The following ZNF587 variants were observed in gnomAD, a reference collection of about 807,000 sequenced individuals.
ZNF587 encodes the protein zinc finger protein zfp6.
ZNF587 carries 8 observed loss-of-function variants against 7.5 expected under a neutral mutation model. The ratio of observed to expected loss-of-function variants is 1.06; its 90% CI spans 0.62 to 1.92. The LOEUF (loss-of-function observed/expected upper bound fraction) is 1.92, where lower values mean the gene tolerates loss of function less well. Among genes scored for constraint, ZNF587 ranks in the 40% most tolerant of loss-of-function variants. ZNF587 has a pLI of 0.00. For missense variants in ZNF587, 468 were observed against 692.8 expected, an observed-to-expected ratio of 0.68 and a Z score of 3.64; for synonymous variants, 145 against 237.8, an observed-to-expected ratio of 0.61 and a Z score of 3.59.
chr19:57,855,615 G>A (rs1321232695), intron 1 of ZNF587, among the ~76,000 whole-genome samples: 2 of 150,016 alleles, frequency 1.3e-5, no homozygotes, highest in African/African-American at 4.9e-5. Context: ...AGGGTGGAGT[G>A]CAGTGGTGTG....
In ZNF587 at chr19:57,860,081, T is replaced by A; in HGVS notation, c.1669T>A (p.Phe557Ile). 6.2e-7 allele frequency: 1 copy of A among 1,613,460 alleles called. No homozygotes were observed. Among genetic ancestry groups the A allele is most frequent in the African/African-American group, 1.3e-5 (1 of 75,030 alleles). The change falls in exon 3 of 3, where the codon TTT becomes ATT. Residue 557 changes from phenylalanine (F) to isoleucine (I), a missense_variant. By Grantham distance (21) the Phe-to-Ile change is conservative (BLOSUM62 0). Around this residue, in one of 5 missense-constraint regions of ZNF587, gnomAD observed 310 missense variants for 325.6 expected, o/e 0.95. Coordinates refer to ENST00000339656, the MANE Select transcript of ZNF587 (RefSeq NM_032828.4). ...PYECTKCGKT[F>I]QRSSTLLHHQ... ...TGAATGCACCAAATGTGGAAAAACA[T>A]TTCAGCGAAGCTCTACCCTCCTTCA...
chr19:57,854,425 G>C (rs2071324194), intron 1 of ZNF587, among the ~76,000 whole-genome samples: 1 of 152,046 alleles, frequency 6.6e-6, no homozygotes, highest in South Asian at 2.1e-4. Flanking sequence ...ATTTGTATTT[G>C]TCAAGCATAG....
intron 1 of ZNF587, 24 bp downstream of exon 1, chr19:57,850,095 C>T (rs1235318789): frequency 6.2e-7 from 1 of 1,614,140 alleles, no homozygotes; most frequent in African/African-American, 1.3e-5. Context: ...CTTCTGTGCC[C>T]TCAGGTCACC....
chr19:57,853,187 A>G (rs2122312526), intron 1 of ZNF587, among the ~76,000 whole-genome samples: 1 of 152,332 alleles, frequency 6.6e-6, no homozygotes, highest in East Asian at 1.9e-4. Context: ...TGATAGGAGC[A>G]TGAAAGAGGA....
At position 57,849,904 on chromosome 19, in the gene ZNF587, G is replaced by GC. The variant is rs1568504346; in HGVS notation, c.-131dup. The GC allele has an allele frequency of 1.3e-6, 2 of 1,554,346 alleles. No individual in the cohort carries two copies. Among genetic ancestry groups the GC allele is most frequent in the Non-Finnish European group, 1.7e-6 (2 of 1,150,274 alleles). Reference sequence around the variant, plus strand: ...GATGCGGGTGTTTCCCCAGTTTGTGGCCCCTGAGTGCTGGGTGGGACCGCG... The same window carrying GC: ...GATGCGGGTGTTTCCCCAGTTTGTGGCCCCCTGAGTGCTGGGTGGGACCGCG... On this transcript the variant is annotated 5_prime_UTR_variant, in exon 1 of 3. The change creates a premature stop within an existing upstream ORF in the 5' untranslated region. Transcript: ENST00000339656.
intron 1 of ZNF587, among the ~76,000 whole-genome samples, chr19:57,853,268 T>C (rs547491737): frequency 7.4e-4 from 113 of 152,340 alleles, no homozygotes; most frequent in African/African-American, 2.5e-3. Context: ...TGAGATGACG[T>C]TGGTATTGAC....
chr19:57,856,117 C>T lies in ZNF587; in HGVS notation c.47C>T (p.Thr16Ile), dbSNP rs2071352147. 1 of 1,612,920 alleles carries T rather than the reference C, an allele frequency of 6.2e-7. No homozygotes were observed. The highest frequency in any genetic ancestry group is 8.5e-7 in the Non-Finnish European group (1 of 1,179,658). ...PRRPTQQGTVTFEDVAVNFSQ... is the reference protein window; with the variant it reads ...PRRPTQQGTVIFEDVAVNFSQ... ...TCACTATCATAGCAGGGCACTGTGACCTTTGAAGATGTGGCTGTGAACTTT... is the reference window on the plus strand; with the variant it reads ...TCACTATCATAGCAGGGCACTGTGATCTTTGAAGATGTGGCTGTGAACTTT... Residue 16 changes from threonine to isoleucine, a missense_variant, in exon 2 of 3, where the codon ACC (threonine) becomes ATC (isoleucine). Thr to Ile is a moderately conservative substitution (Grantham distance 89). Around this residue, in one of 5 missense-constraint regions of ZNF587, gnomAD observed 92 missense variants for 89.7 expected, o/e 1.03. Transcript: ENST00000339656.
chr19:57,850,122 C>A (rs997019338), intron 1 of ZNF587, 51 bp downstream of exon 1: 18 of 1,614,040 alleles, frequency 1.1e-5, no homozygotes, highest in Non-Finnish European at 1.5e-5. Context: ...TCACCCAGGT[C>A]CTAAACCAGC....
At chr19:57,851,734 G>C (rs1208017761) in intron 1 of ZNF587, 1 of 152,212 alleles carries the variant, frequency 6.6e-6, no homozygotes, top group Non-Finnish European at 1.5e-5. Flanking sequence ...GGAGAGTTTT[G>C]AAGAAAGGAG....
intron 1 of ZNF587, chr19:57,850,358 C>A (rs2071266352): frequency 5.0e-6 from 3 of 601,234 alleles, no homozygotes; most frequent in African/African-American, 3.7e-5. Flanking sequence ...ATCAGTCTCC[C>A]TGAGCATTCT....
At chr19:57,850,317 C>G in intron 1 of ZNF587, 1 of 648,568 alleles carries the variant, frequency 1.5e-6, no homozygotes, top group Non-Finnish European at 2.7e-6. Context: ...AGCCGTCCTG[C>G]TGTTCGGGAG....
At chr19:57,854,555 C>T (rs926714781) in intron 1 of ZNF587, among the ~76,000 whole-genome samples, 3 of 151,264 alleles carry the variant, frequency 2.0e-5, no homozygotes, top group African/African-American at 7.3e-5. Flanking sequence ...ATCTCATTCC[C>T]ACTCTGCTCT....
chr19:57,854,405 A>G (rs2071323731), intron 1 of ZNF587, among the ~76,000 whole-genome samples: 1 of 152,078 alleles, frequency 6.6e-6, no homozygotes, highest in Admixed American at 6.6e-5. Flanking sequence ...CTGTGTTAAT[A>G]TTGGATGCTA....
chr19:57,864,781 ATTT>A lies in ZNF587; in HGVS notation c.*4648_*4650del, dbSNP rs914514809. 1 of 151,494 alleles carries A rather than the reference ATTT, an allele frequency of 6.6e-6. No homozygotes were observed. The highest frequency in any genetic ancestry group is 2.4e-5 in the African/African-American group (1 of 41,258). 9.4% of individuals were successfully genotyped at this position (151,494 alleles called of 1,614,324 possible). On this transcript the variant is annotated 3_prime_UTR_variant, in exon 3 of 3. Coordinates refer to ENST00000339656, the MANE Select transcript of ZNF587 (RefSeq NM_032828.4). ...AGTATGTTTGTCTCTTGTGGTGTAA[ATTT>A]TTTTTTATTACACCAAATTATGTTC... is the stretch of plus-strand genomic sequence containing the variant.
intron 2 of ZNF587, chr19:57,858,122 CT>C (rs572536483): frequency 0.01 from 1,296 of 123,564 alleles, 3 homozygotes; most frequent in Non-Finnish European, 0.016. Flanking sequence ...GAAGCCCCAT[CT>C]TTTTTTTTTT....
Position 57,854,831 on chromosome 19 carries a change from A to G in ZNF587, c.34-1273A>G, listed in dbSNP as rs181424239. Among the ~76,000 whole-genome samples the G allele has an allele frequency of 5.2e-3, 793 of 152,090 alleles. 5 individuals are homozygous for G. Among genetic ancestry groups the G allele is most frequent in the Non-Finnish European group, 5.9e-3 (404 of 67,974 alleles). ...CAAGGCTGGTGGATCACTTGAGACC[A>G]GAAATTCAAGACCAGCCTGGCCAAC... On this transcript the variant is annotated intron_variant, in intron 1 of 2. Transcript: ENST00000339656.
At position 57,861,617 on chromosome 19, in the gene ZNF587, C is replaced by A. The variant is rs2071432912; in HGVS notation, c.*1477C>A. On this transcript the variant is annotated 3_prime_UTR_variant, in exon 3 of 3. Coordinates refer to ENST00000339656, the MANE Select transcript of ZNF587 (RefSeq NM_032828.4). Reference sequence around the variant, plus strand: ...TGCTTGGTCTACAGGGGTGAGGCACCCTGCCTGGCCTCACCTGTAGGCTTG... The same window carrying A: ...TGCTTGGTCTACAGGGGTGAGGCACACTGCCTGGCCTCACCTGTAGGCTTG... The A allele has an allele frequency of 6.6e-6, 1 of 152,116 alleles. No homozygotes were observed. The highest frequency in any genetic ancestry group is 1.5e-5 in the Non-Finnish European group (1 of 68,036). 9.4% of individuals were successfully genotyped at this position (152,116 alleles called of 1,614,324 possible). A position where few individuals can be genotyped will look rare whatever the true frequency, so the allele number is the denominator to read the frequency against.
chr19:57,851,136 CCAACT>C (rs1173122142), intron 1 of ZNF587: 1 of 152,088 alleles, frequency 6.6e-6, no homozygotes, highest in Non-Finnish European at 1.5e-5. Flanking sequence ...ACAGGGGAGA[CCAACT>C]CAACTAGCAC....
rs776800609 is a variant in ZNF587, at chr19:57,859,405, A to G, written c.993A>G (p.Lys331=). 3.7e-6 allele frequency: 6 copies of G among 1,609,344 alleles called. No individual in the cohort carries two copies. The highest frequency in any genetic ancestry group is 5.1e-6 in the Non-Finnish European group (6 of 1,179,842). Residue 331 remains lysine, a synonymous_variant, in exon 3 of 3, where the codon AAA becomes AAG. Coordinates refer to ENST00000339656, the MANE Select transcript of ZNF587 (RefSeq NM_032828.4). ...CTTATGAGTGTAGAGAATGTGGGAA[A>G]TCTTTTGGTCAAAAGGGTAACCTCA... is the stretch of plus-strand genomic sequence containing the variant. The part of the protein sequence containing the change: ...EGPYECRECG[K]SFGQKGNLIQ...
Sources: allele counts gnomAD v4.1 joint callset (sites outside exome capture counted in the v4.1 genomes callset), GRCh38; gene constraint gnomAD v4.1.1; regional missense constraint gnomAD v4.1.1; transcripts MANE v1.5; gene names NCBI Gene and HGNC (gene_info 2026-07-23, HGNC 2026-07-21).